Variants in EPHA5 observed in about 807,000 individuals in gnomAD.
EPHA5 encodes the protein EPH receptor A5.
In EPHA5, 60 loss-of-function variants were observed where a neutral mutation model predicts 105.0. The observed-to-expected ratio is 0.57, with a 90% CI of 0.46 to 0.71. The LOEUF is 0.71. EPHA5 is among the 30% of genes least tolerant of loss of function. The pLI, the probability that EPHA5 is intolerant of heterozygous loss-of-function variation, is 0.00. For synonymous variants in EPHA5, 513 were observed against 449.1 expected, an observed-to-expected ratio of 1.14 and a Z score of -1.80; for missense variants, 1,218 against 1,274.7, an observed-to-expected ratio of 0.96 and a Z score of 0.68.
intron 3 of EPHA5, among the ~76,000 whole-genome samples, chr4:65,513,491 A>ACT (rs1312300486): frequency 2.6e-5 from 4 of 151,530 alleles, no homozygotes; most frequent in African/African-American, 9.7e-5. Flanking sequence ...GGTTCAAGCA[A>ACT]CTCTCCTGCC....
At chr4:65,484,930 A>G (rs1730737118) in intron 5 of EPHA5, among the ~76,000 whole-genome samples, 1 of 152,032 alleles carries the variant, frequency 6.6e-6, no homozygotes, top group Non-Finnish European at 1.5e-5. Flanking sequence ...TAAGTCCTAA[A>G]AGAATAGAAC....
At chr4:65,438,481 T>C (rs1725699510) in intron 5 of EPHA5, among the ~76,000 whole-genome samples, 1 of 151,966 alleles carries the variant, frequency 6.6e-6, no homozygotes, top group Non-Finnish European at 1.5e-5. Context: ...TATGTTTTCA[T>C]CTTTGAAAGG....
intron 9 of EPHA5, among the ~76,000 whole-genome samples, chr4:65,366,896 CT>C (rs1313451801): frequency 1.3e-5 from 2 of 151,488 alleles, no homozygotes; most frequent in Non-Finnish European, 2.9e-5. Flanking sequence ...AAAGCAAGGT[CT>C]TTTTAAGTCA....
chr4:65,354,901 T>C (rs1040140636), intron 11 of EPHA5, among the ~76,000 whole-genome samples: 37 of 151,978 alleles, frequency 2.4e-4, no homozygotes, highest in African/African-American at 8.9e-4. Context: ...ACAATATTTC[T>C]TTAAATGGAA....
At chr4:65,390,956 T>A (rs1365704894) in intron 8 of EPHA5, among the ~76,000 whole-genome samples, 1 of 152,036 alleles carries the variant, frequency 6.6e-6, no homozygotes, top group Non-Finnish European at 1.5e-5. Context: ...GGGTAATTTA[T>A]AAGAGAAAGT....
intron 3 of EPHA5, among the ~76,000 whole-genome samples, chr4:65,500,399 A>T (rs962308707): frequency 6.6e-6 from 1 of 151,286 alleles, no homozygotes; most frequent in South Asian, 2.1e-4. Flanking sequence ...TTTAAATGCA[A>T]CCATTTCCAT....
At chr4:65,663,492 C>G (rs1202326527) in intron 1 of EPHA5, among the ~76,000 whole-genome samples, 1 of 151,940 alleles carries the variant, frequency 6.6e-6, no homozygotes, top group African/African-American at 2.4e-5. Context: ...AAAAACAAGA[C>G]CTTCAATTAC....
chr4:65,533,677 G>A (rs1209672751), intron 3 of EPHA5, among the ~76,000 whole-genome samples: 2 of 152,156 alleles, frequency 1.3e-5, no homozygotes, highest in African/African-American at 4.8e-5. Flanking sequence ...GCTCACGCCT[G>A]TAATCCCAGA....
intron 4 of EPHA5, among the ~76,000 whole-genome samples, chr4:65,492,629 T>C (rs1731525815): frequency 6.6e-6 from 1 of 150,490 alleles, no homozygotes; most frequent in African/African-American, 2.4e-5. Flanking sequence ...TACTTCAATA[T>C]AAAACAGTCC....
At chr4:65,325,002 T>C (rs1577806358) in intron 16 of EPHA5, among the ~76,000 whole-genome samples, 2 of 151,554 alleles carry the variant, frequency 1.3e-5, no homozygotes, top group African/African-American at 2.4e-5. Context: ...TTTTACAGGA[T>C]GTTTAGGAAT....
At chr4:65,372,235 A>G (rs1718547267) in intron 8 of EPHA5, among the ~76,000 whole-genome samples, 1 of 152,082 alleles carries the variant, frequency 6.6e-6, no homozygotes, top group Admixed American at 6.6e-5. Flanking sequence ...TGAATTTTTC[A>G]CTTCGGGATT....
intron 2 of EPHA5, among the ~76,000 whole-genome samples, chr4:65,642,593 A>G (rs1253536182): frequency 6.6e-6 from 1 of 152,034 alleles, no homozygotes; most frequent in Non-Finnish European, 1.5e-5. Flanking sequence ...GAGGATGTTA[A>G]TATACAAATT....
At chr4:65,333,203 A>G (rs11945886) in intron 15 of EPHA5, among the ~76,000 whole-genome samples, 37,821 of 151,168 alleles carry the variant, frequency 0.25, 4,808 homozygotes, top group East Asian at 0.34. Flanking sequence ...AAATTTACAT[A>G]ATTTACATGT....
chr4:65,490,807 G>C, intron 4 of EPHA5, 95 bp from the exon 5 acceptor site: 1 of 1,264,982 alleles, frequency 7.9e-7, no homozygotes, highest in South Asian at 1.5e-5. Flanking sequence ...GGAAAAAATA[G>C]ATTTGCAATA....
At chr4:65,418,169 G>A (rs558015488) in intron 6 of EPHA5, among the ~76,000 whole-genome samples, 20 of 152,144 alleles carry the variant, frequency 1.3e-4, no homozygotes, top group African/African-American at 4.8e-4. Flanking sequence ...TAATCGCAAT[G>A]AAAATTGAGA....
intron 3 of EPHA5, among the ~76,000 whole-genome samples, chr4:65,511,993 C>T (rs919182482): frequency 1.3e-5 from 2 of 152,004 alleles, no homozygotes; most frequent in Admixed American, 6.6e-5. Flanking sequence ...TTATTGAGTG[C>T]TATGGGCTAG....
Position 65,465,445 on chromosome 4 carries a change from A to AAAGG in EPHA5, c.1402+24931_1402+24932insCCTT, listed in dbSNP as rs71604536. Among the ~76,000 whole-genome samples, 11 of 135,440 alleles carry AAAGG rather than the reference A, an allele frequency of 8.1e-5. No individual in the cohort carries two copies. In the East Asian group the frequency reaches 1.5e-3, roughly 19 times the overall value. The allele number at this position is 135,440 out of a possible 152,430, so 88.9% of individuals were successfully genotyped here. ...CATCCCCCCACCCCTCTAAAGAAAG[A>AAAGG]AAGAAAGAAAGAAAAGAAAGAAAAA... is the stretch of plus-strand genomic sequence containing the variant. On this transcript the variant is annotated intron_variant, in intron 5 of 16. Transcript: ENST00000613740.
At chr4:65,465,721 A>T (rs1728655494) in intron 5 of EPHA5, among the ~76,000 whole-genome samples, 1 of 152,208 alleles carries the variant, frequency 6.6e-6, no homozygotes, top group South Asian at 2.1e-4. Flanking sequence ...GTATCTTTCA[A>T]TATGAGATAG....
At chr4:65,541,339 C>A (rs1252397178) in intron 3 of EPHA5, among the ~76,000 whole-genome samples, 2 of 151,772 alleles carry the variant, frequency 1.3e-5, no homozygotes, top group African/African-American at 4.8e-5. Flanking sequence ...CTTCAGTGTG[C>A]AGTATTCAAG....
Sources: gnomAD v4.1 joint callset for allele counts (sites outside exome capture counted in the v4.1 genomes callset) on GRCh38, gnomAD v4.1.1 for gene constraint, MANE v1.5 for transcripts, NCBI Gene and HGNC (gene_info 2026-07-23, HGNC 2026-07-21) for gene names.